The following COG3 variants were observed in gnomAD, a reference collection of about 807,000 sequenced individuals.
COG3 encodes the protein conserved oligomeric Golgi complex subunit 3.
A neutral mutation model predicts 114.1 loss-of-function variants in COG3; 32 were observed. The observed-to-expected ratio is 0.28, with a 90% CI of 0.21 to 0.38. The LOEUF (loss-of-function observed/expected upper bound fraction) is 0.38. Ranked by LOEUF, COG3 falls within the 10% of genes least tolerant of loss-of-function variation. The pLI, the probability that COG3 is intolerant of heterozygous loss-of-function variation, is 1.00. For synonymous variants in COG3, 352 were observed against 365.7 expected (o/e 0.96, Z 0.43); for missense variants, 813 against 973.2 (o/e 0.84, Z 2.19).
At chr13:45,503,980 A>G (rs1446819044) in intron 14 of COG3, among the ~76,000 whole-genome samples, 1 of 152,124 alleles carries the variant, frequency 6.6e-6, no homozygotes, top group Non-Finnish European at 1.5e-5. Flanking sequence ...GGACTAGGGT[A>G]CATGTTATAC....
chr13:45,486,339 C>CGGGAGACGGGAGAGGGAGA lies in COG3; in HGVS notation c.844-150_844-149insCGGGAGAGGGAGAGGGAGA, dbSNP rs1555295083. On this transcript the variant is annotated intron_variant, in intron 7 of 22. Coordinates refer to ENST00000349995, the MANE Select transcript of COG3 (RefSeq NM_031431.4). ...GAGACGGGAGACGGGAGACGGGAGA[C>CGGGAGACGGGAGAGGGAGA]GGGAGAGGGAGAGGGAGAGGGAGAG... Among the ~76,000 whole-genome samples, 10 of 55,236 alleles carry CGGGAGACGGGAGAGGGAGA rather than the reference C, an allele frequency of 1.8e-4. No individual in the cohort carries two copies. In the South Asian group the frequency reaches 2.9e-3, roughly 16 times the overall value. The allele number at this position is 55,236 out of a possible 152,430, so 36.2% of individuals were successfully genotyped here.
intron 9 of COG3, 94 bp downstream of exon 9, chr13:45,491,052 T>A: frequency 1.2e-6 from 1 of 845,348 alleles, no homozygotes; most frequent in Non-Finnish European, 1.9e-6. Context: ...TATGAGCAAT[T>A]GCCTTCCAGC....
intron 8 of COG3, among the ~76,000 whole-genome samples, chr13:45,490,088 T>C (rs1031599061): frequency 1.3e-5 from 2 of 152,284 alleles, no homozygotes; most frequent in Non-Finnish European, 2.9e-5. Context: ...TAAGTGAATA[T>C]ATTCACTTAG....
At chr13:45,515,358 C>A (rs186828450) in intron 16 of COG3, among the ~76,000 whole-genome samples, 7 of 152,278 alleles carry the variant, frequency 4.6e-5, no homozygotes, top group Middle Eastern at 3.4e-3. Context: ...ATAACTTTAT[C>A]TTTTCCTAAG....
chr13:45,473,855 G>C (rs1317141924), intron 1 of COG3, among the ~76,000 whole-genome samples: 2 of 152,170 alleles, frequency 1.3e-5, no homozygotes, highest in East Asian at 3.9e-4. Context: ...GGCAGCATAC[G>C]GTTGCTGATG....
chr13:45,521,971 A>G (rs981276190), intron 19 of COG3, among the ~76,000 whole-genome samples: 1 of 151,638 alleles, frequency 6.6e-6, no homozygotes, highest in African/African-American at 2.4e-5. Flanking sequence ...CCTGGCTAAT[A>G]TTTATGTATT....
intron 11 of COG3, among the ~76,000 whole-genome samples, chr13:45,492,672 T>G (rs1887087375): frequency 6.6e-6 from 1 of 152,194 alleles, no homozygotes; most frequent in Non-Finnish European, 1.5e-5. Context: ...GATCCACTGT[T>G]AGTCACTTTT....
intron 7 of COG3, among the ~76,000 whole-genome samples, 156 bp from the exon 8 acceptor site, chr13:45,486,339 C>CGGGAGACGGGAGACGGGAGACGGGAGA (rs1555295083): frequency 7.2e-5 from 4 of 55,212 alleles, no homozygotes; most frequent in East Asian, 5.4e-4. Context: ...AGACGGGAGA[C>CGGGAGACGGGAGACGGGAGACGGGAGA]GGGAGAGGGA....
At chr13:45,488,991 C>G (rs1013171800) in intron 8 of COG3, among the ~76,000 whole-genome samples, 3 of 151,354 alleles carry the variant, frequency 2.0e-5, no homozygotes, top group African/African-American at 7.3e-5. Flanking sequence ...AGTTTGAGAC[C>G]AGCCTGGGCA....
chr13:45,468,434 A>G (rs1044782063), intron 1 of COG3, among the ~76,000 whole-genome samples: 1 of 152,228 alleles, frequency 6.6e-6, no homozygotes, highest in Non-Finnish European at 1.5e-5. Flanking sequence ...TATAGGTGTC[A>G]TTCAGACCAA....
rs377042446 is a variant in COG3 at position 45,519,011 on chromosome 13, C to T, written c.2071C>T (p.Arg691Cys). Reference protein sequence around the residue: ...HYLDSKKDVDRHLKSACEQFI... With the variant: ...HYLDSKKDVDCHLKSACEQFI... ...TCTTGACTCTAAAAAAGACGTAGAC[C>T]GTCATCTGAAATCGGCCTGTGAGCA... The change falls in exon 19 of 23, where the codon CGT becomes TGT. Residue 691 changes from arginine to cysteine, a missense_variant. Coordinates refer to ENST00000349995, the MANE Select transcript of COG3 (RefSeq NM_031431.4). The T allele has an allele frequency of 6.5e-5, 105 of 1,613,944 alleles. No individual in the cohort carries two copies. Among genetic ancestry groups the T allele is most frequent in the Non-Finnish European group, 6.4e-5 (76 of 1,179,970 alleles).
intron 13 of COG3, among the ~76,000 whole-genome samples, chr13:45,502,403 G>A (rs1869635267): frequency 6.6e-6 from 1 of 152,142 alleles, no homozygotes; most frequent in Non-Finnish European, 1.5e-5. Flanking sequence ...TATCCTGGAT[G>A]CTCCCTTGTG....
At chr13:45,532,660 C>T (rs1192966453) in intron 22 of COG3, among the ~76,000 whole-genome samples, 1 of 150,848 alleles carries the variant, frequency 6.6e-6, no homozygotes, top group Admixed American at 6.6e-5. Context: ...AGCTCCGCCT[C>T]CCGGGTTCAT....
intron 20 of COG3, among the ~76,000 whole-genome samples, chr13:45,528,312 C>G (rs1872869664): frequency 6.6e-6 from 1 of 152,028 alleles, no homozygotes; most frequent in South Asian, 2.1e-4. Flanking sequence ...TACTCTTTCA[C>G]CACTTTACTT....
Position 45,481,228 on chromosome 13 carries a change from A to G in COG3, c.550-2A>G. On this transcript the variant is annotated splice_acceptor_variant, in intron 4 of 22. Coordinates refer to ENST00000349995, the MANE Select transcript of COG3 (RefSeq NM_031431.4). LOFTEE classifies it high-confidence loss of function. The stretch of plus-strand genomic sequence containing the variant: ...TGATTTTTCTCTTTTAAAAAATGCA[A>G]GTCGGAACTTGTTGATCTGGCTGAA... 1 of 1,567,360 alleles carries G rather than the reference A, an allele frequency of 6.4e-7. No homozygotes were observed. The highest frequency in any genetic ancestry group is 8.8e-7 in the Non-Finnish European group (1 of 1,142,528).
chr13:45,466,242 T>TTGTCC (rs1395998894), intron 1 of COG3, among the ~76,000 whole-genome samples: 1 of 152,162 alleles, frequency 6.6e-6, no homozygotes, highest in Non-Finnish European at 1.5e-5. Context: ...TTTCGCCCTG[T>TTGTCC]TGTCCAGGCT....
chr13:45,528,589 T>A (rs1872895848), intron 20 of COG3, among the ~76,000 whole-genome samples: 1 of 152,240 alleles, frequency 6.6e-6, no homozygotes, highest in Admixed American at 6.5e-5. Flanking sequence ...AGGCAACTAC[T>A]ATTAAAGTTT....
chr13:45,516,929 G>C (rs1593740131), intron 17 of COG3, among the ~76,000 whole-genome samples: 1 of 152,068 alleles, frequency 6.6e-6, no homozygotes, highest in South Asian at 2.1e-4. Flanking sequence ...GTAAGATAGG[G>C]TCTTTGAGTT....
rs751417428 is a variant in COG3, at chr13:45,511,767, G to A, written c.1722G>A (p.Arg574=). 3.1e-6 allele frequency: 5 copies of A among 1,611,806 alleles called. No individual in the cohort carries two copies. Among genetic ancestry groups the A allele is most frequent in the Non-Finnish European group, 4.2e-6 (5 of 1,178,060 alleles). The part of the protein sequence containing the change: ...CLSKLYRCID[R]AVFQGLSQEA... The stretch of plus-strand genomic sequence containing the variant: ...ATTATTCTCTTTTATTCCACCAGAG[G>A]GCAGTGTTCCAAGGATTATCACAGG... The change falls in exon 16 of 23, where the codon AGG becomes AGA. Residue 574 remains arginine (R), a splice_region_variant and synonymous_variant. Transcript: ENST00000349995.
Sources: gnomAD v4.1 joint callset for allele counts (sites outside exome capture counted in the v4.1 genomes callset) on GRCh38, gnomAD v4.1.1 for gene constraint, MANE v1.5 for transcripts, NCBI Gene and HGNC (gene_info 2026-07-23, HGNC 2026-07-21) for gene names.